The following ZAN variants were observed in gnomAD, a reference collection of about 807,000 sequenced individuals.
ZAN encodes the protein zonadhesin (gene/pseudogene).
In ZAN, 260 loss-of-function variants were observed where a neutral mutation model predicts 286.2. The observed-to-expected ratio is 0.91, with a 90% CI of 0.82 to 1.01. The LOEUF is 1.01. ZAN is among the 50% of genes least tolerant of loss of function. The pLI is 0.00. For synonymous variants in ZAN, 1,368 were observed against 1,417.5 expected (o/e 0.97, Z 0.79); for missense variants, 3,410 against 3,639.2 (o/e 0.94, Z 1.62).
intron 27 of ZAN, among the ~76,000 whole-genome samples, chr7:100,769,504 C>T (rs1810235109): frequency 6.8e-6 from 1 of 147,642 alleles, no homozygotes; most frequent in Admixed American, 6.8e-5. Flanking sequence ...TCTTCCCTTT[C>T]TTCCTTCCTT....
intron 30 of ZAN, 30 bp downstream of exon 30, chr7:100,773,523 C>T (rs753096561): frequency 6.2e-7 from 1 of 1,607,718 alleles, no homozygotes; most frequent in East Asian, 2.2e-5. Flanking sequence ...GGGCCCCGCC[C>T]TTTCCAGGCC....
At chr7:100,737,822 C>G (rs984784592) in intron 6 of ZAN, among the ~76,000 whole-genome samples, 2 of 137,328 alleles carry the variant, frequency 1.5e-5, no homozygotes, top group African/African-American at 2.7e-5. Flanking sequence ...GAGGTCTCGG[C>G]CCAGCACAGT....
intron 15 of ZAN, among the ~76,000 whole-genome samples, chr7:100,757,677 CG>C (rs1809238088): frequency 1.3e-5 from 2 of 150,500 alleles, no homozygotes; most frequent in Non-Finnish European, 2.9e-5. Context: ...ATCGCTTGAA[CG>C]CTGAAGGCGG....
chr7:100,758,383 G>C (rs1046657362), intron 16 of ZAN, 40 bp downstream of exon 16: 13 of 1,604,652 alleles, frequency 8.1e-6, no homozygotes, highest in Non-Finnish European at 1.0e-5. Flanking sequence ...CTGCCAGCCA[G>C]TTGGAGTAGA....
rs1211124899 is a variant in ZAN at position 100,763,446 on chromosome 7, A to G, written c.3987-360A>G. Among the ~76,000 whole-genome samples the G allele has an allele frequency of 6.6e-6, 1 of 152,082 alleles. No individual in the cohort carries two copies. The highest frequency in any genetic ancestry group is 6.6e-5 in the Admixed American group (1 of 15,252). On this transcript the variant is annotated intron_variant, in intron 20 of 47. Coordinates refer to ENST00000613979, the MANE Select transcript of ZAN (RefSeq NM_003386.3). This position sits in a 1 kb window ranked among gnomAD's most constrained non-coding sequence, Gnocchi z 4.6. ...GAGTGCAGTGGTTCAATCACAGCTCACTGCAGGCTCCAACTCCTGGGCTCA... is the reference window on the plus strand; with the variant it reads ...GAGTGCAGTGGTTCAATCACAGCTCGCTGCAGGCTCCAACTCCTGGGCTCA...
intron 11 of ZAN, 89 bp downstream of exon 11, chr7:100,748,559 G>A: frequency 6.7e-7 from 1 of 1,500,896 alleles, no homozygotes; most frequent in Non-Finnish European, 8.9e-7. Context: ...GGGAGACGTT[G>A]TTTCAGGCAG....
chr7:100,779,427 G>A lies in ZAN; in HGVS notation c.6318-19G>A. On this transcript the variant is annotated intron_variant, in intron 34 of 47. Transcript: ENST00000613979. ...GTAGGGGGACGGCTGTCCCTAGGCTGATTCTTTTCCCTTCCCAGTTGTCAG... is the reference window on the plus strand; with the variant it reads ...GTAGGGGGACGGCTGTCCCTAGGCTAATTCTTTTCCCTTCCCAGTTGTCAG... 6.3e-7 allele frequency: 1 copy of A among 1,592,720 alleles called. No individual in the cohort carries two copies. Among genetic ancestry groups the A allele is most frequent in the Non-Finnish European group, 8.6e-7 (1 of 1,169,262 alleles).
At chr7:100,758,139 A>G in intron 15 of ZAN, 63 bp from the exon 16 acceptor site, 6 of 1,306,242 alleles carry the variant, frequency 4.6e-6, no homozygotes, top group Non-Finnish European at 5.0e-6. Flanking sequence ...TGAAAAAGAA[A>G]GGCAAAGGGA....
chr7:100,743,583 T>A (rs1343031408), intron 7 of ZAN, among the ~76,000 whole-genome samples: 1 of 152,092 alleles, frequency 6.6e-6, no homozygotes, highest in Non-Finnish European at 1.5e-5. Context: ...AAAAAAATGT[T>A]TTTAAAAACT....
chr7:100,759,909 C>T (rs2115947489), intron 18 of ZAN, 64 bp downstream of exon 18: 3 of 1,564,190 alleles, frequency 1.9e-6, no homozygotes, highest in Non-Finnish European at 2.6e-6. Context: ...CCAACCCTTC[C>T]AATCCCTGAA....
At chr7:100,793,441 T>TTTG (rs754417614) in intron 42 of ZAN, among the ~76,000 whole-genome samples, 3 of 152,050 alleles carry the variant, frequency 2.0e-5, no homozygotes, top group East Asian at 1.9e-4. Context: ...TGTTTTTGTT[T>TTTG]TTGTTGTTGT....
intron 45 of ZAN, among the ~76,000 whole-genome samples, chr7:100,796,615 C>T (rs1812384076): frequency 6.6e-6 from 1 of 152,008 alleles, no homozygotes; most frequent in Non-Finnish European, 1.5e-5. Flanking sequence ...GGGGTTTCGC[C>T]ATGTTGGCCA....
At chr7:100,788,279 A>G in intron 38 of ZAN, 143 bp downstream of exon 38, 1 of 1,227,718 alleles carries the variant, frequency 8.1e-7, no homozygotes, top group Non-Finnish European at 1.1e-6. Context: ...AGCAGGACGC[A>G]GTGGTTCACG....
At chr7:100,796,353 A>G (rs2116368068) in intron 45 of ZAN, among the ~76,000 whole-genome samples, 1 of 151,656 alleles carries the variant, frequency 6.6e-6, no homozygotes, top group African/African-American at 2.4e-5. Context: ...TAACTTGTGT[A>G]CATGTATATT....
At chr7:100,759,665 G>T in intron 17 of ZAN, 56 bp from the exon 18 acceptor site, 4 of 1,526,220 alleles carry the variant, frequency 2.6e-6, no homozygotes, top group Non-Finnish European at 2.6e-6. Context: ...GGCACTGCTC[G>T]CGGCAGATGT....
At chr7:100,761,524 C>T (rs1437747402) in intron 19 of ZAN, among the ~76,000 whole-genome samples, 1 of 152,074 alleles carries the variant, frequency 6.6e-6, no homozygotes, top group Non-Finnish European at 1.5e-5. Context: ...GTCTCAGCTA[C>T]TCAGGAGGCT....
Position 100,775,743 on chromosome 7 carries a change from C to T in ZAN, c.6102C>T (p.Tyr2034=), listed in dbSNP as rs375824583. Residue 2034 remains tyrosine (Y), a synonymous_variant, in exon 33 of 48, where the codon TAC becomes TAT. Coordinates refer to ENST00000613979, the MANE Select transcript of ZAN (RefSeq NM_003386.3). ...PGVSVKSSSI[Y]SIVNIKIGVQ... ...TCAGTGTCAAGTCCAGCAGCATCTA[C>T]AGCATTGTTAACATCAAGATCGGGG... The T allele has an allele frequency of 3.7e-6, 6 of 1,613,862 alleles. No homozygotes were observed. The African/African-American group carries it at 8.0e-5, about 22-fold the overall frequency.
Position 100,779,751 on chromosome 7 carries a change from G to C in ZAN, c.6622+1G>C. On this transcript the variant is annotated splice_donor_variant, in intron 35 of 47. Coordinates refer to ENST00000613979, the MANE Select transcript of ZAN (RefSeq NM_003386.3). LOFTEE classifies it high-confidence loss of function. Reference sequence around the variant, plus strand: ...CTCTGGAGAAACAGCAGCTTCTGCCGTGAGTGTGCCCTGCTGTCACCCCAA... The same window carrying C: ...CTCTGGAGAAACAGCAGCTTCTGCCCTGAGTGTGCCCTGCTGTCACCCCAA... The C allele has an allele frequency of 6.5e-7, 1 of 1,548,754 alleles. No homozygotes were observed. The highest frequency in any genetic ancestry group is 8.7e-7 in the Non-Finnish European group (1 of 1,146,982).
At position 100,747,556 on chromosome 7, in the gene ZAN, T is replaced by A; in HGVS notation, c.938T>A (p.Ile313Asn). ...CCAATTCCTTTCACTGCAGGGAGTA[T>A]CCGGAAACACACTCTCTTCTCAGGA... ...LHIYASVLGSIRKHTLFSGQP... is the reference protein window; with the variant it reads ...LHIYASVLGSNRKHTLFSGQP... Residue 313 changes from isoleucine to asparagine, a missense_variant, in exon 9 of 48, where the codon ATC (isoleucine) becomes AAC (asparagine). By Grantham distance (149) the Ile-to-Asn change is moderately radical. Around this residue, in one of 7 missense-constraint regions of ZAN, gnomAD observed 872 missense variants for 938.9 expected, o/e 0.93. Transcript: ENST00000613979. 6.2e-7 allele frequency: 1 copy of A among 1,613,814 alleles called. No homozygotes were observed. Among genetic ancestry groups the A allele is most frequent in the Non-Finnish European group, 8.5e-7 (1 of 1,179,804 alleles).
Sources: gnomAD v4.1 joint callset for allele counts (sites outside exome capture counted in the v4.1 genomes callset) on GRCh38, gnomAD v4.1.1 for gene constraint, gnomAD v4.1.1 regional missense constraint, Gnocchi (gnomAD v3.1) non-coding constraint, MANE v1.5 for transcripts, NCBI Gene and HGNC (gene_info 2026-07-23, HGNC 2026-07-21) for gene names.